SPPL2B: variants seen among roughly 807,000 people sequenced by gnomAD.
SPPL2B encodes signal peptide peptidase like 2B, also known as signal peptide peptidase-like 2B.
SPPL2B carries 39 observed loss-of-function variants against 59.7 expected under a neutral mutation model. The observed-to-expected ratio is 0.65, with a 90% CI of 0.51 to 0.85. SPPL2B has a LOEUF of 0.85. Ranked by LOEUF, SPPL2B falls within the 40% of genes least tolerant of loss-of-function variation. The probability of loss-of-function intolerance (pLI) is 0.00; values close to 1 mark genes in which losing one functional copy is unlikely to be tolerated. For missense variants in SPPL2B, 865 were observed against 849.0 expected (o/e 1.02, Z -0.23); for synonymous variants, 419 against 370.8 (o/e 1.13, Z -1.49).
In SPPL2B at chr19:2,340,008, G is replaced by A. The variant is rs753791172; in HGVS notation, c.742+42G>A. 13 of 1,553,748 alleles carry A rather than the reference G, an allele frequency of 8.4e-6. No homozygotes were observed. In the South Asian group the frequency reaches 1.3e-4, roughly 16 times the overall value. On this transcript the variant is annotated intron_variant, in intron 6 of 14. Coordinates refer to ENST00000613503, the MANE Select transcript of SPPL2B (RefSeq NM_152988.3). ...GGGTGGGCCGCGGCGTGGAGATGCA[G>A]CCCGCCCCGTGCGGAGGGAGGGTGG...
In SPPL2B at chr19:2,351,608, T is replaced by G; in HGVS notation, c.1515+14T>G. 6.3e-7 allele frequency: 1 copy of G among 1,596,596 alleles called. No homozygotes were observed. Among genetic ancestry groups the G allele is most frequent in the African/African-American group, 1.3e-5 (1 of 74,722 alleles). The stretch of plus-strand genomic sequence containing the variant: ...AGCGGCTTTGCGGTGAATACCAGTT[T>G]GCTCTGACTGTGAGAAATACTCGCC... On this transcript the variant is annotated intron_variant, in intron 14 of 14. Transcript: ENST00000613503.
chr19:2,347,715 T>C (rs1969525419), intron 13 of SPPL2B, among the ~76,000 whole-genome samples: 1 of 25,836 alleles, frequency 3.9e-5, no homozygotes, highest in African/African-American at 2.7e-4. Context: ...TCTCCTTCTC[T>C]CCACACACAC....
chr19:2,351,421 T>C lies in SPPL2B; in HGVS notation c.1355-13T>C. The C allele has an allele frequency of 6.3e-7, 1 of 1,588,778 alleles. No homozygotes were observed. Among genetic ancestry groups the C allele is most frequent in the Non-Finnish European group, 8.6e-7 (1 of 1,166,606 alleles). ...CCTGCCTGGCTGAGGTGATGCCTCC[T>C]CTGTCCCCACAGCCTATGGCGTTGG... On this transcript the variant is annotated splice_polypyrimidine_tract_variant and intron_variant, in intron 13 of 14. Coordinates refer to ENST00000613503, the MANE Select transcript of SPPL2B (RefSeq NM_152988.3).
intron 14 of SPPL2B, among the ~76,000 whole-genome samples, chr19:2,352,713 C>T (rs896114195): frequency 2.0e-5 from 3 of 152,188 alleles, no homozygotes; most frequent in African/African-American, 7.2e-5. Context: ...TTGCACAGCT[C>T]CCAGCCTCTG....
chr19:2,331,529 G>A (rs900861912), intron 1 of SPPL2B, among the ~76,000 whole-genome samples: 1 of 152,142 alleles, frequency 6.6e-6, no homozygotes, highest in East Asian at 1.9e-4. Flanking sequence ...ACTCTTCCCG[G>A]TGAGATGCCG....
chr19:2,345,625 TC>T (rs1290037214), intron 13 of SPPL2B, among the ~76,000 whole-genome samples: 1 of 100,186 alleles, frequency 1.0e-5, no homozygotes, highest in African/African-American at 4.1e-5. Context: ...TCCTCATTCT[TC>T]CTGGGCCCGT....
chr19:2,346,017 C>A (rs1969349147), intron 13 of SPPL2B, among the ~76,000 whole-genome samples: 1 of 152,220 alleles, frequency 6.6e-6, no homozygotes, highest in African/African-American at 2.4e-5. Context: ...TTCCTGTTTT[C>A]CTCTTTTTGT....
At position 2,340,279 on chromosome 19, in the gene SPPL2B, A is replaced by C. The variant is rs902363531; in HGVS notation, c.839+107A>C. 1.4e-5 allele frequency: 13 copies of C among 904,356 alleles called. No individual in the cohort carries two copies. The African/African-American group carries it at 2.2e-4, about 16-fold the overall frequency. 56.0% of individuals were successfully genotyped at this position (904,356 alleles called of 1,614,324 possible). A position where few individuals can be genotyped will look rare whatever the true frequency, so the allele number is the denominator to read the frequency against. Reference sequence around the variant, plus strand: ...TGGTGCAATATTGCTCAGAGTCTACAGCAGGCGCTCCCTCAGTGCTGGCCT... The same window carrying C: ...TGGTGCAATATTGCTCAGAGTCTACCGCAGGCGCTCCCTCAGTGCTGGCCT... On this transcript the variant is annotated intron_variant, in intron 7 of 14. Transcript: ENST00000613503.
intron 1 of SPPL2B, among the ~76,000 whole-genome samples, chr19:2,334,020 G>A (rs1338250118): frequency 6.6e-6 from 1 of 152,254 alleles, no homozygotes; most frequent in Non-Finnish European, 1.5e-5. Context: ...AGTGGGAGCT[G>A]AGGGGTGCTG....
intron 8 of SPPL2B, chr19:2,341,215 G>C: frequency 1.4e-6 from 1 of 690,130 alleles, no homozygotes; most frequent in East Asian, 2.7e-5. Flanking sequence ...CGGGTGTCAT[G>C]GGAACCCTGA....
At chr19:2,349,936 CAT>C (rs200243642) in intron 13 of SPPL2B, among the ~76,000 whole-genome samples, 3 of 146,200 alleles carry the variant, frequency 2.1e-5, no homozygotes, top group Non-Finnish European at 3.0e-5. Context: ...CACACACTCA[CAT>C]GCTCTCATTT....
chr19:2,336,026 T>C (rs1166502135), intron 2 of SPPL2B, among the ~76,000 whole-genome samples: 2 of 152,240 alleles, frequency 1.3e-5, no homozygotes, highest in Admixed American at 1.3e-4. Flanking sequence ...ACACATGTAA[T>C]AGGTATGTGT....
chr19:2,351,984 GAGAGCGA>G (rs1555759223), intron 14 of SPPL2B, among the ~76,000 whole-genome samples: 5 of 152,176 alleles, frequency 3.3e-5, no homozygotes, highest in Non-Finnish European at 7.4e-5. Context: ...CTCTCCTGCC[GAGAGCGA>G]GGCGCCTGAC....
chr19:2,338,936 A>T (rs1468056062), intron 4 of SPPL2B, 95 bp downstream of exon 4: 7 of 1,499,782 alleles, frequency 4.7e-6, no homozygotes, highest in Non-Finnish European at 6.4e-6. Flanking sequence ...AGTTGGTGGG[A>T]TCAGGGTGGT....
chr19:2,341,922 G>A (rs748437462), intron 8 of SPPL2B: 5 of 221,448 alleles, frequency 2.3e-5, no homozygotes, highest in East Asian at 1.4e-4. Flanking sequence ...CAAGCGAGAC[G>A]CCCTATTTAA....
intron 13 of SPPL2B, among the ~76,000 whole-genome samples, chr19:2,348,464 G>A (rs1345362436): frequency 3.7e-5 from 5 of 134,012 alleles, no homozygotes; most frequent in African/African-American, 5.7e-5. Context: ...GCTGTCATTC[G>A]CTTGATTCCG....
chr19:2,341,006 C>A lies in SPPL2B; in HGVS notation c.948C>A (p.Asn316Lys). 6.2e-7 allele frequency: 1 copy of A among 1,603,390 alleles called. No individual in the cohort carries two copies. Residue 316 changes from asparagine to lysine, a missense_variant, in exon 8 of 15, where the codon AAC becomes AAA. By Grantham distance (94) the Asn-to-Lys change is moderately conservative (BLOSUM62 0). Coordinates refer to ENST00000613503, the MANE Select transcript of SPPL2B (RefSeq NM_152988.3). The part of the protein sequence containing the change: ...AVSVVWGVFR[N>K]EDQWAWVLQD... Reference sequence around the variant, plus strand: ...GCGTGGTGTGGGGCGTCTTCCGCAACGAGGACCAGTAAGTGCTGCTTCCCC... The same window carrying A: ...GCGTGGTGTGGGGCGTCTTCCGCAAAGAGGACCAGTAAGTGCTGCTTCCCC...
In SPPL2B at chr19:2,353,326, C is replaced by G. The variant is rs148441339; in HGVS notation, c.*117C>G. 1,483 of 1,237,998 alleles carry G rather than the reference C, an allele frequency of 1.2e-3. No homozygotes were observed. Among genetic ancestry groups the G allele is most frequent in the Non-Finnish European group, 1.5e-3 (1,375 of 918,440 alleles). The allele number at this position is 1,237,998 out of a possible 1,614,324, so 76.7% of individuals were successfully genotyped here. On this transcript the variant is annotated 3_prime_UTR_variant, in exon 15 of 15. Coordinates refer to ENST00000613503, the MANE Select transcript of SPPL2B (RefSeq NM_152988.3). Reference sequence around the variant, plus strand: ...CCCCGGGACCGAGGCCTGTGCCGTCCCCACCCGCCCCAACATGGTGCTCAT... The same window carrying G: ...CCCCGGGACCGAGGCCTGTGCCGTCGCCACCCGCCCCAACATGGTGCTCAT...
At chr19:2,348,945 ACACT>A (rs1255773753) in intron 13 of SPPL2B, among the ~76,000 whole-genome samples, 3 of 149,356 alleles carry the variant, frequency 2.0e-5, no homozygotes, top group African/African-American at 2.5e-5. Context: ...CTCTCCACAC[ACACT>A]CACGCGCTGT....
Sources: allele counts gnomAD v4.1 joint callset (sites outside exome capture counted in the v4.1 genomes callset), GRCh38; gene constraint gnomAD v4.1.1; transcripts MANE v1.5; gene names NCBI Gene and HGNC (gene_info 2026-07-23, HGNC 2026-07-21).